HDAC11: variants seen among roughly 807,000 people sequenced by gnomAD.
HDAC11 encodes histone deacetylase 11.
Under a neutral mutation model 41.1 loss-of-function variants are expected in HDAC11, and 23 were observed. That is an observed-to-expected ratio of 0.56 (90% CI 0.40 to 0.79). The LOEUF is 0.79. HDAC11 is among the 30% of genes least tolerant of loss of function. HDAC11 has a pLI of 0.00. For missense variants in HDAC11, 402 were observed against 477.3 expected, an observed-to-expected ratio of 0.84 and a Z score of 1.47; for synonymous variants, 187 against 186.6, an observed-to-expected ratio of 1.00 and a Z score of -0.02.
rs1355067457 is a variant in HDAC11, at chr3:13,480,418, G to A, written c.2+69G>A. On this transcript the variant is annotated intron_variant, in intron 1 of 9. Transcript: ENST00000295757. The surrounding 1 kb of genome is among the most constrained non-coding windows in gnomAD (Gnocchi z 4.6). ...CCGGTGGGCGGGCGCGCTAGGGCGA[G>A]GGCGGGGACGGCCGGGCGGGCGCGC... The A allele has an allele frequency of 4.0e-6, 4 of 995,278 alleles. No individual in the cohort carries two copies. In the African/African-American group the frequency reaches 6.8e-5, roughly 17 times the overall value. The allele number at this position is 995,278 out of a possible 1,614,324, so 61.7% of individuals were successfully genotyped here. A position where few individuals can be genotyped will look rare whatever the true frequency, so the allele number is the denominator to read the frequency against.
At chr3:13,482,504 C>T (rs1192483978) in intron 2 of HDAC11, among the ~76,000 whole-genome samples, 10 of 152,236 alleles carry the variant, frequency 6.6e-5, no homozygotes, top group South Asian at 2.1e-4. Context: ...GGAGGGAGGC[C>T]GGGCGCAGTG....
Position 13,486,571 on chromosome 3 carries a change from G to GTTTTT in HDAC11, c.252+3027_252+3031dup, listed in dbSNP as rs767002835. 2.8e-3 allele frequency among the ~76,000 whole-genome samples: 236 copies of GTTTTT among 83,046 alleles called. 3 individuals carry two copies. The highest frequency in any genetic ancestry group is 0.011 in the African/African-American group (225 of 21,032). 54.5% of individuals were successfully genotyped at this position (83,046 alleles called of 152,430 possible). A position where few individuals can be genotyped will look rare whatever the true frequency, so the allele number is the denominator to read the frequency against. On this transcript the variant is annotated intron_variant, in intron 3 of 9. Transcript: ENST00000295757. ...GAGCAGGTGATACTCATGTAGAGGT[G>GTTTTT]TTTTTTTTTTTTTTTTTTTTTTTTG...
At chr3:13,501,322 G>T (rs968769284) in intron 6 of HDAC11, among the ~76,000 whole-genome samples, 4 of 152,206 alleles carry the variant, frequency 2.6e-5, no homozygotes, top group African/African-American at 9.7e-5. Context: ...CTGGCCTTGT[G>T]CTGGGCATCA....
chr3:13,498,947 C>T (rs184223282), intron 5 of HDAC11, among the ~76,000 whole-genome samples: 45 of 152,148 alleles, frequency 3.0e-4, no homozygotes, highest in Admixed American at 1.2e-3. Flanking sequence ...GTCCTGGGGC[C>T]CAGGACAGCC....
intron 3 of HDAC11, among the ~76,000 whole-genome samples, chr3:13,486,041 G>T (rs1249707105): frequency 6.6e-6 from 1 of 152,070 alleles, no homozygotes; most frequent in Non-Finnish European, 1.5e-5. Flanking sequence ...AACGAGGCGG[G>T]CGGATCACTT....
In HDAC11 at chr3:13,490,820, G is replaced by A. The variant is rs151074359; in HGVS notation, c.253-5916G>A. Among the ~76,000 whole-genome samples, 1,285 of 140,508 alleles carry A rather than the reference G, an allele frequency of 9.1e-3. 15 individuals carry two copies. Among genetic ancestry groups the A allele is most frequent in the African/African-American group, 0.032 (1,214 of 37,806 alleles). 92.2% of individuals were successfully genotyped at this position (140,508 alleles called of 152,430 possible). A position where few individuals can be genotyped will look rare whatever the true frequency, so the allele number is the denominator to read the frequency against. On this transcript the variant is annotated intron_variant, in intron 3 of 9. Transcript: ENST00000295757. ...GGCTGGAGTGCAGTGGCATGATCTC[G>A]GCTCACTGCAACCTCCGCCTCCCAG...
chr3:13,490,002 T>C (rs1468262068), intron 3 of HDAC11, among the ~76,000 whole-genome samples: 4 of 152,068 alleles, frequency 2.6e-5, no homozygotes, highest in Non-Finnish European at 5.9e-5. Flanking sequence ...TTTGTTCTTT[T>C]TTTTTTTTTG....
At chr3:13,489,826 T>C (rs974815826) in intron 3 of HDAC11, among the ~76,000 whole-genome samples, 7 of 152,146 alleles carry the variant, frequency 4.6e-5, no homozygotes, top group African/African-American at 1.4e-4. Context: ...CCTCGGCCTC[T>C]CAAAGTACTG....
At chr3:13,503,093 C>T (rs76666620) in intron 8 of HDAC11, 113 bp downstream of exon 8, 35,143 of 725,006 alleles carry the variant, frequency 0.048, 1,036 homozygotes, top group East Asian at 0.084. Context: ...TTCATAGCAT[C>T]CCTGTGAGGT....
chr3:13,491,545 G>T (rs147018961), intron 3 of HDAC11, among the ~76,000 whole-genome samples: 181 of 152,218 alleles, frequency 1.2e-3, no homozygotes, highest in African/African-American at 4.2e-3. Context: ...CCCTAGAGGG[G>T]TTACAGCCTA....
At chr3:13,499,651 G>C (rs534486327) in intron 5 of HDAC11, among the ~76,000 whole-genome samples, 1 of 152,276 alleles carries the variant, frequency 6.6e-6, no homozygotes, top group East Asian at 1.9e-4. Flanking sequence ...GTTGAGGGGA[G>C]CCCCACTCTG....
intron 3 of HDAC11, among the ~76,000 whole-genome samples, chr3:13,485,417 C>T (rs74887555): frequency 4.3e-4 from 66 of 152,248 alleles, no homozygotes; most frequent in African/African-American, 1.3e-3. Flanking sequence ...GCCAGAGTCC[C>T]GAGGGTGAGG....
At chr3:13,485,296 G>A (rs1701506740) in intron 3 of HDAC11, among the ~76,000 whole-genome samples, 1 of 152,254 alleles carries the variant, frequency 6.6e-6, no homozygotes, top group South Asian at 2.1e-4. Context: ...GGGAGAGAGA[G>A]GGGTGTGAGG....
chr3:13,481,347 A>C lies in HDAC11; in HGVS notation c.104A>C (p.His35Pro). Residue 35 changes from histidine to proline, a missense_variant, in exon 2 of 10, where the codon CAT becomes CCT. His to Pro is a moderately conservative substitution (Grantham distance 77). Coordinates refer to ENST00000295757, the MANE Select transcript of HDAC11 (RefSeq NM_024827.4). ...NITFMGLEKLHPFDAGKWGKV... is the reference protein window; with the variant it reads ...NITFMGLEKLPPFDAGKWGKV... Reference sequence around the variant, plus strand: ...ACCTTCATGGGCCTGGAGAAGCTGCATCCCTTTGATGCCGGAAAATGGGGC... The same window carrying C: ...ACCTTCATGGGCCTGGAGAAGCTGCCTCCCTTTGATGCCGGAAAATGGGGC... 6.2e-7 allele frequency: 1 copy of C among 1,614,108 alleles called. No homozygotes were observed. The highest frequency in any genetic ancestry group is 8.5e-7 in the Non-Finnish European group (1 of 1,180,026).
chr3:13,499,219 G>T (rs1262893906), intron 5 of HDAC11, among the ~76,000 whole-genome samples: 1 of 152,152 alleles, frequency 6.6e-6, no homozygotes, highest in African/African-American at 2.4e-5. Flanking sequence ...GCCCAGGCTG[G>T]AGTGCAATGG....
chr3:13,490,245 G>A (rs550281601), intron 3 of HDAC11, among the ~76,000 whole-genome samples: 2 of 152,222 alleles, frequency 1.3e-5, no homozygotes, highest in East Asian at 3.9e-4. Context: ...GCCTGCCTCT[G>A]CCTCCCAAAG....
At chr3:13,503,209 A>G in intron 8 of HDAC11, 1 of 370,526 alleles carries the variant, frequency 2.7e-6, no homozygotes, top group South Asian at 6.1e-5. Context: ...CTGGCAAAAA[A>G]CAGGAAAGAA....
At chr3:13,483,430 G>A in intron 2 of HDAC11, 34 bp from the exon 3 acceptor site, 1 of 1,588,998 alleles carries the variant, frequency 6.3e-7, no homozygotes, top group South Asian at 1.1e-5. Flanking sequence ...CTTGAGGTCA[G>A]TGGGGAAGCA....
chr3:13,486,680 C>T (rs1020947969), intron 3 of HDAC11, among the ~76,000 whole-genome samples: 3 of 147,262 alleles, frequency 2.0e-5, no homozygotes, highest in South Asian at 2.2e-4. Context: ...TTGGTTCAAG[C>T]GATTCTCCTG....
Sources: allele counts gnomAD v4.1 joint callset (sites outside exome capture counted in the v4.1 genomes callset), GRCh38; gene constraint gnomAD v4.1.1; non-coding constraint Gnocchi (gnomAD v3.1); transcripts MANE v1.5; gene names NCBI Gene and HGNC (gene_info 2026-07-23, HGNC 2026-07-21).